The following CNTNAP2 variants were observed in gnomAD, a reference collection of about 807,000 sequenced individuals.
The protein encoded by CNTNAP2 is contactin associated protein 2, also known as contactin-associated protein-like 2.
In CNTNAP2, 98 loss-of-function variants were observed where a neutral mutation model predicts 155.2. That is an observed-to-expected ratio of 0.63 (90% CI 0.54 to 0.75). The LOEUF (loss-of-function observed/expected upper bound fraction) is 0.75. CNTNAP2 is among the 30% of genes least tolerant of loss of function. The pLI, the probability that CNTNAP2 is intolerant of heterozygous loss-of-function variation, is 0.00. For synonymous variants in CNTNAP2, 651 were observed against 631.2 expected, an observed-to-expected ratio of 1.03 and a Z score of -0.47; for missense variants, 1,727 against 1,688.1, an observed-to-expected ratio of 1.02 and a Z score of -0.40.
At chr7:148,240,630 T>G (rs546118093) in intron 20 of CNTNAP2, among the ~76,000 whole-genome samples, 1 of 152,222 alleles carries the variant, frequency 6.6e-6, no homozygotes, top group South Asian at 2.1e-4. Context: ...ATAGGATAGA[T>G]GCATATATAA....
intron 8 of CNTNAP2, among the ~76,000 whole-genome samples, chr7:147,299,464 A>G (rs536036060): frequency 2.0e-5 from 3 of 151,424 alleles, no homozygotes; most frequent in South Asian, 4.2e-4. Flanking sequence ...GTACTCCATT[A>G]TAAAGATAAC....
rs576377578 is a variant in CNTNAP2 at position 147,850,779 on chromosome 7, G to A, written c.2099-52786G>A. ...CTTATACAAAAATTAATTCAAGATG[G>A]ATTAAAGACTTAAATGTTAGACCTA... On this transcript the variant is annotated intron_variant, in intron 13 of 23. Transcript: ENST00000361727. Among the ~76,000 whole-genome samples the A allele has an allele frequency of 1.8e-3, 276 of 152,238 alleles. 1 individual carries two copies. The highest frequency in any genetic ancestry group is 6.3e-3 in the African/African-American group (260 of 41,532).
intron 12 of CNTNAP2, among the ~76,000 whole-genome samples, chr7:147,601,636 T>TAA (rs370619019): frequency 0.032 from 2,178 of 68,922 alleles, 45 homozygotes; most frequent in African/African-American, 0.095. Context: ...CATTGACTCT[T>TAA]AAAAAAAAAT....
chr7:147,378,680 T>C (rs1480253718), intron 9 of CNTNAP2, among the ~76,000 whole-genome samples: 4 of 152,116 alleles, frequency 2.6e-5, no homozygotes, highest in Admixed American at 6.6e-5. Flanking sequence ...GTGTAAGATT[T>C]AATGTTTGAT....
Position 147,523,884 on chromosome 7 carries a change from G to A in CNTNAP2, c.1777+37843G>A, listed in dbSNP as rs369544059. 6.6e-5 allele frequency among the ~76,000 whole-genome samples: 10 copies of A among 152,172 alleles called. No individual in the cohort carries two copies. The East Asian group carries it at 9.7e-4, about 15-fold the overall frequency. ...GTTACCTGCAGAAAATAAATACTGC[G>A]GTGAATCTCACTCACTTGCCCCTAA... On this transcript the variant is annotated intron_variant, in intron 11 of 23. Transcript: ENST00000361727.
chr7:147,929,092 CAAAAAAAAAAAA>C (rs66584239), intron 14 of CNTNAP2, among the ~76,000 whole-genome samples: 438 of 34,642 alleles, frequency 0.013, 8 homozygotes, highest in Middle Eastern at 0.087. Flanking sequence ...AACTCCATCC[CAAAAAAAAAAAA>C]AAAAAAAAAA....
At chr7:146,210,833 C>T (rs1360550817) in intron 1 of CNTNAP2, among the ~76,000 whole-genome samples, 2 of 140,182 alleles carry the variant, frequency 1.4e-5, no homozygotes, top group Non-Finnish European at 3.1e-5. Context: ...GACAAGACTA[C>T]TTCATTTTTT....
At chr7:146,525,940 C>T (rs1797686103) in intron 1 of CNTNAP2, among the ~76,000 whole-genome samples, 1 of 152,124 alleles carries the variant, frequency 6.6e-6, no homozygotes, top group African/African-American at 2.4e-5. Context: ...TGGAGCCACA[C>T]AGTGGATTAG....
At chr7:147,136,433 A>T (rs1249697021) in intron 8 of CNTNAP2, among the ~76,000 whole-genome samples, 1 of 152,004 alleles carries the variant, frequency 6.6e-6, no homozygotes, top group Non-Finnish European at 1.5e-5. Flanking sequence ...TTGTATTTTC[A>T]TCTCCAAAGG....
At chr7:147,606,570 T>C (rs1414875088) in intron 12 of CNTNAP2, among the ~76,000 whole-genome samples, 1 of 152,228 alleles carries the variant, frequency 6.6e-6, no homozygotes, top group African/African-American at 2.4e-5. Flanking sequence ...ACTCAGCAAG[T>C]ATTTATTGAC....
intron 5 of CNTNAP2, among the ~76,000 whole-genome samples, chr7:147,120,512 AT>A (rs1231169808): frequency 6.6e-6 from 1 of 151,922 alleles, no homozygotes; most frequent in Admixed American, 6.6e-5. Flanking sequence ...TAAAACACTC[AT>A]TTTCCCCCTT....
At chr7:148,404,456 T>A (rs1185053849) in intron 22 of CNTNAP2, among the ~76,000 whole-genome samples, 1 of 152,024 alleles carries the variant, frequency 6.6e-6, no homozygotes, top group Non-Finnish European at 1.5e-5. Flanking sequence ...CAGGAACTCC[T>A]ATGAGACGGG....
intron 14 of CNTNAP2, among the ~76,000 whole-genome samples, chr7:147,976,962 T>A (rs1041583966): frequency 1.3e-5 from 2 of 152,126 alleles, no homozygotes; most frequent in African/African-American, 4.8e-5. Context: ...TCACACTGCT[T>A]TGTGCCTCCC....
chr7:146,326,304 T>C (rs1584870277), intron 1 of CNTNAP2, among the ~76,000 whole-genome samples: 1 of 152,118 alleles, frequency 6.6e-6, no homozygotes, highest in East Asian at 1.9e-4. Flanking sequence ...ATTCAGAAAA[T>C]CAATAAACTA....
In CNTNAP2 at chr7:147,036,216, C is replaced by G. The variant is rs963501269; in HGVS notation, c.403-7691C>G. Among the ~76,000 whole-genome samples the G allele has an allele frequency of 2.0e-5, 3 of 152,144 alleles. No homozygotes were observed. In the South Asian group the frequency reaches 6.2e-4, roughly 31 times the overall value. On this transcript the variant is annotated intron_variant, in intron 3 of 23. Transcript: ENST00000361727. The stretch of plus-strand genomic sequence containing the variant: ...AGAATAATAATATGGGACAGAGGAG[C>G]ATGTGACCTGCAAAGCCTAAAATAT...
intron 12 of CNTNAP2, among the ~76,000 whole-genome samples, chr7:147,584,068 G>A (rs995892): frequency 0.69 from 105,606 of 152,102 alleles, 37,307 homozygotes; most frequent in African/African-American, 0.82. Flanking sequence ...GGGCACATCA[G>A]TGATTCAAGC....
chr7:146,430,097 G>A (rs564728184), intron 1 of CNTNAP2, among the ~76,000 whole-genome samples: 1 of 152,046 alleles, frequency 6.6e-6, no homozygotes, highest in East Asian at 1.9e-4. Flanking sequence ...GATAAGATTT[G>A]ATGTGCTGCT....
intron 14 of CNTNAP2, among the ~76,000 whole-genome samples, chr7:147,931,214 A>T (rs1800496466): frequency 1.3e-5 from 2 of 151,900 alleles, no homozygotes; most frequent in Non-Finnish European, 2.9e-5. Context: ...GAGTAAAAAA[A>T]AAATAGAAAA....
intron 8 of CNTNAP2, among the ~76,000 whole-genome samples, chr7:147,253,150 G>C (rs1415563072): frequency 6.6e-6 from 1 of 152,082 alleles, no homozygotes; most frequent in Non-Finnish European, 1.5e-5. Context: ...CATAGTATTG[G>C]CTACTGCCCG....
Sources: gnomAD v4.1 joint callset for allele counts (sites outside exome capture counted in the v4.1 genomes callset) on GRCh38, gnomAD v4.1.1 for gene constraint, MANE v1.5 for transcripts, NCBI Gene and HGNC (gene_info 2026-07-23, HGNC 2026-07-21) for gene names.